FRMD6: variants seen among roughly 807,000 people sequenced by gnomAD.
FRMD6 encodes FERM domain-containing protein 6.
In FRMD6, 37 loss-of-function variants were observed where a neutral mutation model predicts 73.2. The observed-to-expected ratio is 0.51, with a 90% confidence interval of 0.39 to 0.66. The LOEUF (loss-of-function observed/expected upper bound fraction) is 0.66. FRMD6 is among the 30% of genes least tolerant of loss of function. FRMD6 has a pLI of 0.00. For missense variants in FRMD6, 714 were observed against 780.5 expected (o/e 0.91, Z 1.02); for synonymous variants, 273 against 282.2 (o/e 0.97, Z 0.33).
intron 1 of FRMD6, among the ~76,000 whole-genome samples, chr14:51,669,831 A>G (rs965464583): frequency 2.7e-5 from 4 of 150,218 alleles, no homozygotes; most frequent in African/African-American, 1.0e-4. Flanking sequence ...AGTGACTTTC[A>G]GAGGGCAAAA....
At chr14:51,679,555 C>CTTTTTTTTTTTTT (rs61250963) in intron 1 of FRMD6, among the ~76,000 whole-genome samples, 3 of 120,588 alleles carry the variant, frequency 2.5e-5, no homozygotes, top group Non-Finnish European at 3.5e-5. Flanking sequence ...CATTTGTTTT[C>CTTTTTTTTTTTTT]TTTTTTTTTT....
In FRMD6 at chr14:51,628,877, C is replaced by CTTTTTTTT. The variant is rs371915919; in HGVS notation, c.-147+58477_-147+58484dup. Among the ~76,000 whole-genome samples the CTTTTTTTT allele has an allele frequency of 3.3e-4, 31 of 95,298 alleles. 2 individuals are homozygous for CTTTTTTTT. The highest frequency in any genetic ancestry group is 1.0e-3 in the East Asian group (3 of 2,908). 62.5% of individuals were successfully genotyped at this position (95,298 alleles called of 152,430 possible). A position where few individuals can be genotyped will look rare whatever the true frequency, so the allele number is the denominator to read the frequency against. ...TGCATCTACCTTTTTCTTTTCTTTTCTTTTTTTTTTTTTTTTTGAGACGGA... is the reference window on the plus strand; with the variant it reads ...TGCATCTACCTTTTTCTTTTCTTTTCTTTTTTTTTTTTTTTTTTTTTTTTTGAGACGGA... On this transcript the variant is annotated intron_variant, in intron 2 of 14. Transcript: ENST00000356218.
intron 1 of FRMD6, among the ~76,000 whole-genome samples, chr14:51,682,548 C>T (rs1017813426): frequency 2.0e-5 from 3 of 152,086 alleles, no homozygotes; most frequent in Non-Finnish European, 4.4e-5. Flanking sequence ...CTTGCTGGCT[C>T]ACTATATGAG....
chr14:51,629,043 A>G (rs1459883236), intron 2 of FRMD6, among the ~76,000 whole-genome samples: 1 of 151,278 alleles, frequency 6.6e-6, no homozygotes, highest in Non-Finnish European at 1.5e-5. Flanking sequence ...CGCCCGGCTA[A>G]TTTTTTGTAT....
chr14:51,482,659 G>A, the FRMD6 span, among the ~76,000 whole-genome samples: 5 of 139,850 alleles, frequency 3.6e-5, no homozygotes, highest in African/African-American at 1.4e-4. Flanking sequence ...AATTGGAGAA[G>A]GAACTTTGCA....
chr14:51,472,727 C>G, the FRMD6 span, among the ~76,000 whole-genome samples: 1 of 151,306 alleles, frequency 6.6e-6, no homozygotes, highest in African/African-American at 2.4e-5. Context: ...GCTGAAGCAC[C>G]CTGTCAAAAA....
At chr14:51,669,817 T>A (rs1386881057) in intron 1 of FRMD6, among the ~76,000 whole-genome samples, 2 of 150,878 alleles carry the variant, frequency 1.3e-5, no homozygotes, top group Non-Finnish European at 2.9e-5. Context: ...TTTGTCATTT[T>A]TTAAGTGACT....
chr14:51,691,744 G>A (rs918080919), intron 2 of FRMD6, among the ~76,000 whole-genome samples: 1 of 151,486 alleles, frequency 6.6e-6, no homozygotes, highest in Non-Finnish European at 1.5e-5. Context: ...ACAGGTGCCT[G>A]CCACCACACC....
At chr14:51,468,926 TTTTG>T in the FRMD6 span, among the ~76,000 whole-genome samples, 11 of 152,182 alleles carry the variant, frequency 7.2e-5, no homozygotes, top group African/African-American at 1.7e-4. Context: ...CATTTGGTTT[TTTTG>T]TTTGTTTGTT....
intron 10 of FRMD6, among the ~76,000 whole-genome samples, chr14:51,718,958 A>G (rs1466055429): frequency 1.3e-5 from 2 of 152,218 alleles, no homozygotes; most frequent in African/African-American, 2.4e-5. Flanking sequence ...CCAAGAAACA[A>G]GACAATTAAA....
In FRMD6 at chr14:51,520,668, C is replaced by G. The variant is rs1339541778; in HGVS notation, c.-210+31248C>G. ...CTTCCAGCACTGTAGAAGGCTGAGGCAGGTGGGTCCCTTGAGCCCAGGAGT... is the reference window on the plus strand; with the variant it reads ...CTTCCAGCACTGTAGAAGGCTGAGGGAGGTGGGTCCCTTGAGCCCAGGAGT... On this transcript the variant is annotated intron_variant, in intron 1 of 14. Transcript: ENST00000356218. 2.0e-5 allele frequency among the ~76,000 whole-genome samples: 3 copies of G among 152,180 alleles called. No homozygotes were observed. In the East Asian group the frequency reaches 5.8e-4, roughly 29 times the overall value.
At chr14:51,481,959 AAT>A in the FRMD6 span, among the ~76,000 whole-genome samples, 1 of 152,194 alleles carries the variant, frequency 6.6e-6, no homozygotes, top group East Asian at 1.9e-4. Context: ...TGCATTTTAT[AAT>A]TTATAATTAC....
At chr14:51,412,700 A>C in the FRMD6 span, among the ~76,000 whole-genome samples, 1 of 151,924 alleles carries the variant, frequency 6.6e-6, no homozygotes, top group East Asian at 2.0e-4. Flanking sequence ...AAATACAAAA[A>C]AATTAGCCGG....
In FRMD6 at chr14:51,720,408, T is replaced by G; in HGVS notation, c.1360+18T>G. On this transcript the variant is annotated intron_variant, in intron 11 of 13. Transcript: ENST00000344768. ...GGACGATGGTAACAGTACTGTCCCC[T>G]CACTGGCTCTCTGTTTAGTCTCCCA... 6.2e-7 allele frequency: 1 copy of G among 1,608,274 alleles called. No individual in the cohort carries two copies. The highest frequency in any genetic ancestry group is 8.5e-7 in the Non-Finnish European group (1 of 1,175,794).
At chr14:51,517,979 A>C (rs900671785) in intron 1 of FRMD6, among the ~76,000 whole-genome samples, 4 of 152,220 alleles carry the variant, frequency 2.6e-5, no homozygotes, top group Non-Finnish European at 5.9e-5. Flanking sequence ...GTCTCAGCAA[A>C]GGAGTTCCTC....
Position 51,592,081 on chromosome 14 carries a change from T to C in FRMD6, c.-147+21671T>C, listed in dbSNP as rs991421841. 2.6e-5 allele frequency among the ~76,000 whole-genome samples: 4 copies of C among 152,208 alleles called. No homozygotes were observed. In the South Asian group the frequency reaches 8.3e-4, roughly 31 times the overall value. The stretch of plus-strand genomic sequence containing the variant: ...TTACAAATACACCAAAAAGTTAATA[T>C]AGGAGTTGGAATTACAGCTGGTTTT... On this transcript the variant is annotated intron_variant, in intron 2 of 14. Transcript: ENST00000356218.
intron 2 of FRMD6, 75 bp from the exon 3 acceptor site, chr14:51,698,067 T>G (rs530504352): frequency 5.8e-4 from 586 of 1,015,496 alleles, no homozygotes; most frequent in Non-Finnish European, 7.7e-4. Context: ...TACGATGCAT[T>G]AAATTGCCTG....
At chr14:51,436,625 G>C in the FRMD6 span, 1 of 544,690 alleles carries the variant, frequency 1.8e-6, no homozygotes, top group African/African-American at 1.9e-5. Context: ...AGCAGCATGC[G>C]GAACTAGAGA....
chr14:51,701,152 T>G lies in FRMD6; in HGVS notation c.287T>G (p.Val96Gly), dbSNP rs1164933411. 6.4e-7 allele frequency: 1 copy of G among 1,553,678 alleles called. No individual in the cohort carries two copies. The highest frequency in any genetic ancestry group is 8.7e-7 in the Non-Finnish European group (1 of 1,144,550). ...KEASKVRQYE[V>G]TWGIDQFGPP... Reference sequence around the variant, plus strand: ...GCCAGCAAGGTACGACAATACGAAGTCACTTGGGTGAGATTACATTTATAA... The same window carrying G: ...GCCAGCAAGGTACGACAATACGAAGGCACTTGGGTGAGATTACATTTATAA... Residue 96 changes from valine (V) to glycine (G), a missense_variant, in exon 4 of 14, where the codon GTC (valine) becomes GGC (glycine). Val to Gly is a moderately radical substitution (Grantham distance 109, BLOSUM62 -3). Coordinates refer to ENST00000344768, the MANE Select transcript of FRMD6 (RefSeq NM_001267046.2).
Sources: allele counts gnomAD v4.1 joint callset (sites outside exome capture counted in the v4.1 genomes callset), GRCh38; gene constraint gnomAD v4.1.1; transcripts MANE v1.5; gene names NCBI Gene and HGNC (gene_info 2026-07-23, HGNC 2026-07-21).